Variants in VPS53 observed in about 807,000 individuals in gnomAD.
VPS53 encodes the protein vacuolar protein sorting-associated protein 53 homolog.
In VPS53, 70 loss-of-function variants were observed where a neutral mutation model predicts 107.0. The ratio of observed to expected loss-of-function variants is 0.65; its 90% CI spans 0.54 to 0.80. The LOEUF (loss-of-function observed/expected upper bound fraction) is 0.80, where lower values mean the gene tolerates loss of function less well. VPS53 is among the 30% of genes least tolerant of loss of function. The pLI is 0.00. For missense variants in VPS53, 917 were observed against 1,049.4 expected, an observed-to-expected ratio of 0.87 and a Z score of 1.74; for synonymous variants, 409 against 393.3, an observed-to-expected ratio of 1.04 and a Z score of -0.47.
intron 2 of VPS53, among the ~76,000 whole-genome samples, chr17:709,186 ACGCTCTGT>A (rs1281468824): frequency 8.0e-6 from 1 of 125,590 alleles, no homozygotes; most frequent in African/African-American, 2.6e-5. Context: ...ACGGCGCATC[ACGCTCTGT>A]CACGGAACCT....
At chr17:631,357 A>T (rs890195278) in intron 8 of VPS53, among the ~76,000 whole-genome samples, 193 bp downstream of exon 8, 2 of 151,900 alleles carry the variant, frequency 1.3e-5, no homozygotes, top group African/African-American at 4.8e-5. Context: ...GCTGGAAGGA[A>T]ACAGAGGAGG....
chr17:670,221 TGG>T (rs1971879295), intron 4 of VPS53, among the ~76,000 whole-genome samples: 1 of 151,610 alleles, frequency 6.6e-6, no homozygotes, highest in Non-Finnish European at 1.5e-5. Context: ...ACTGGTGAAC[TGG>T]GCACTGGTGA....
intron 7 of VPS53, among the ~76,000 whole-genome samples, chr17:651,380 G>C (rs1451100541): frequency 6.6e-6 from 1 of 152,192 alleles, no homozygotes; most frequent in Non-Finnish European, 1.5e-5. Flanking sequence ...CGATGCACTG[G>C]GAGCCCAAGA....
chr17:637,030 G>A (rs1366855657), intron 7 of VPS53, among the ~76,000 whole-genome samples: 5 of 152,174 alleles, frequency 3.3e-5, no homozygotes, highest in Non-Finnish European at 5.9e-5. Flanking sequence ...GAATTCGGCT[G>A]TGAATCCATC....
At chr17:661,722 T>C (rs1454201081) in intron 5 of VPS53, 87 bp downstream of exon 5, 8 of 1,314,564 alleles carry the variant, frequency 6.1e-6, no homozygotes, top group Non-Finnish European at 7.4e-6. Context: ...GGTGCCATTA[T>C]TAGAAAAAGC....
chr17:619,318 C>A (rs12937766), intron 11 of VPS53, among the ~76,000 whole-genome samples: 2 of 118,184 alleles, frequency 1.7e-5, no homozygotes, highest in African/African-American at 3.2e-5. Flanking sequence ...ACTACAGGCG[C>A]GCACCACCAC....
At chr17:594,396 A>C (rs965686515) in intron 12 of VPS53, among the ~76,000 whole-genome samples, 1 of 152,182 alleles carries the variant, frequency 6.6e-6, no homozygotes. Context: ...AGGCAAAGGC[A>C]CTCCTGCCTC....
At chr17:542,700 G>A (rs370359850) in intron 17 of VPS53, among the ~76,000 whole-genome samples, 16 of 151,930 alleles carry the variant, frequency 1.1e-4, no homozygotes, top group African/African-American at 3.4e-4. Context: ...AAATCTGACC[G>A]GGCGCGATGG....
intron 8 of VPS53, among the ~76,000 whole-genome samples, chr17:629,806 AAACCACACAC>A (rs1474369307): frequency 1.2e-5 from 1 of 80,066 alleles, no homozygotes; most frequent in East Asian, 3.3e-4. Flanking sequence ...AACAAAAAAA[AAACCACACAC>A]ACACACACAC....
Position 560,418 on chromosome 17 carries a change from T to C in VPS53, c.1704+8A>G, listed in dbSNP as rs1049593551. The C allele has an allele frequency of 7.5e-6, 12 of 1,608,410 alleles. No homozygotes were observed. The highest frequency in any genetic ancestry group is 1.3e-5 in the African/African-American group (1 of 74,788). ...GGAGGTGGTGAGTGGGCAGCCAGGA[T>C]GGCTCACCTGCTGGGTGGTGGCCAG... On this transcript the variant is annotated splice_region_variant and intron_variant, in intron 15 of 21. Coordinates refer to ENST00000437048, the MANE Select transcript of VPS53 (RefSeq NM_001128159.3).
At chr17:619,846 G>C (rs1320163551) in intron 11 of VPS53, among the ~76,000 whole-genome samples, 9 of 135,930 alleles carry the variant, frequency 6.6e-5, no homozygotes, top group African/African-American at 2.6e-4. Context: ...AATATTTCCC[G>C]GGTAGCTGGG....
At chr17:598,949 A>C (rs1365009203) in intron 12 of VPS53, among the ~76,000 whole-genome samples, 1 of 59,572 alleles carries the variant, frequency 1.7e-5, no homozygotes, top group East Asian at 6.0e-4. Context: ...CCTACTGGGA[A>C]GTGAGGAGCC....
intron 4 of VPS53, among the ~76,000 whole-genome samples, chr17:692,392 T>C (rs1436130304): frequency 6.6e-6 from 1 of 152,148 alleles, no homozygotes; most frequent in Admixed American, 6.5e-5. Flanking sequence ...CCGTGCCATA[T>C]AAACTTTATA....
chr17:546,823 A>G (rs1597277166), intron 17 of VPS53, among the ~76,000 whole-genome samples: 1 of 151,698 alleles, frequency 6.6e-6, no homozygotes, highest in East Asian at 1.9e-4. Flanking sequence ...TTAAACATAA[A>G]TTGACCATAC....
intron 12 of VPS53, among the ~76,000 whole-genome samples, chr17:597,605 TG>T (rs549180467): frequency 1.3e-5 from 2 of 152,284 alleles, no homozygotes; most frequent in South Asian, 4.1e-4. Flanking sequence ...TGCAATGGCG[TG>T]ATCTCGGCTC....
chr17:556,483 G>A (rs984652524), intron 15 of VPS53, among the ~76,000 whole-genome samples: 2 of 152,152 alleles, frequency 1.3e-5, no homozygotes, highest in Non-Finnish European at 2.9e-5. Context: ...TAAAAGTGTA[G>A]TTTATGTTTT....
chr17:567,646 G>A (rs373915224), intron 13 of VPS53, among the ~76,000 whole-genome samples: 121 of 151,978 alleles, frequency 8.0e-4, no homozygotes, highest in African/African-American at 2.7e-3. Context: ...GACTACAGGC[G>A]TCCATCACCA....
At chr17:567,208 G>A (rs888453388) in intron 13 of VPS53, among the ~76,000 whole-genome samples, 5 of 152,194 alleles carry the variant, frequency 3.3e-5, no homozygotes, top group African/African-American at 1.2e-4. Flanking sequence ...TGATCATACA[G>A]CATAAAGAAA....
chr17:581,968 T>C (rs576906750), intron 13 of VPS53, among the ~76,000 whole-genome samples: 1 of 149,348 alleles, frequency 6.7e-6, no homozygotes, highest in Non-Finnish European at 1.5e-5. Context: ...CAGAACCTAA[T>C]GTGTTCCCAG....
Sources: allele counts gnomAD v4.1 joint callset (sites outside exome capture counted in the v4.1 genomes callset), GRCh38; gene constraint gnomAD v4.1.1; transcripts MANE v1.5; gene names NCBI Gene and HGNC (gene_info 2026-07-23, HGNC 2026-07-21).